The following DOP1B variants were observed in gnomAD, a reference collection of about 807,000 sequenced individuals.
DOP1B encodes protein DOP1B.
DOP1B carries 174 observed loss-of-function variants against 233.5 expected under a neutral mutation model. The ratio of observed to expected loss-of-function variants is 0.75; its 90% CI spans 0.66 to 0.85. The LOEUF (loss-of-function observed/expected upper bound fraction) is 0.85, where lower values mean the gene tolerates loss of function less well. DOP1B is among the 40% of genes least tolerant of loss of function. The probability of loss-of-function intolerance (pLI) is 0.00; values close to 1 mark genes in which losing one functional copy is unlikely to be tolerated. For missense variants in DOP1B, 2,652 were observed against 2,846.6 expected, an observed-to-expected ratio of 0.93 and a Z score of 1.56; for synonymous variants, 1,190 against 1,185.6, an observed-to-expected ratio of 1.00 and a Z score of -0.08.
chr21:36,279,590 C>T (rs1048875866), intron 30 of DOP1B, among the ~76,000 whole-genome samples: 1 of 152,170 alleles, frequency 6.6e-6, no homozygotes, highest in Non-Finnish European at 1.5e-5. Flanking sequence ...TCTTGTTGCT[C>T]TGCTGGGGTA....
In DOP1B at chr21:36,245,140, C is replaced by A. The variant is rs780147206; in HGVS notation, c.3160C>A (p.Leu1054Met). Residue 1054 changes from leucine (L) to methionine (M), a missense_variant, in exon 19 of 37, where the codon CTG (leucine) becomes ATG (methionine). Around this residue, in one of 3 missense-constraint regions of DOP1B, gnomAD observed 2,617 missense variants for 2,794.3 expected, o/e 0.94. Transcript: ENST00000691173. The surrounding 1 kb of genome is among the most constrained non-coding windows in gnomAD (Gnocchi z 5.5). The stretch of plus-strand genomic sequence containing the variant: ...TCAGGAGAGCGGCTCTGAAGAGCAC[C>A]TGCCTCTGAGCCAGTTCACCACAGT... The part of the protein sequence containing the change: ...EPQESGSEEH[L>M]PLSQFTTVDR... 1 of 1,613,920 alleles carries A rather than the reference C, an allele frequency of 6.2e-7. No homozygotes were observed. Among genetic ancestry groups the A allele is most frequent in the Non-Finnish European group, 8.5e-7 (1 of 1,180,038 alleles).
chr21:36,164,711 C>T lies in DOP1B; in HGVS notation c.-23C>T, dbSNP rs1429115283. 1 of 1,544,770 alleles carries T rather than the reference C, an allele frequency of 6.5e-7. No homozygotes were observed. Among genetic ancestry groups the T allele is most frequent in the Non-Finnish European group, 8.7e-7 (1 of 1,148,338 alleles). ...TTATTTTTTGATTTGCTTTTAGATA[C>T]TTTTCTGCTGTGAGAATGTAAGATG... On this transcript the variant is annotated 5_prime_UTR_variant, in exon 2 of 37. Coordinates refer to ENST00000691173, the MANE Select transcript of DOP1B (RefSeq NM_001320714.2).
chr21:36,202,113 C>T (rs1246642075), intron 4 of DOP1B, among the ~76,000 whole-genome samples: 1 of 151,950 alleles, frequency 6.6e-6, no homozygotes, highest in Non-Finnish European at 1.5e-5. Flanking sequence ...CTTGAGCCTG[C>T]GAGGTGAAGG....
At chr21:36,204,456 C>T (rs1479022359) in intron 4 of DOP1B, among the ~76,000 whole-genome samples, 3 of 152,044 alleles carry the variant, frequency 2.0e-5, no homozygotes, top group Non-Finnish European at 4.4e-5. Context: ...ACAAATGGAC[C>T]CTTTACTGAG....
At chr21:36,185,647 A>AAGGCTG (rs1194082347) in intron 2 of DOP1B, among the ~76,000 whole-genome samples, 2 of 152,326 alleles carry the variant, frequency 1.3e-5, no homozygotes, top group African/African-American at 4.8e-5. Context: ...AATGTCAGGG[A>AAGGCTG]AGGCTGAGGA....
At chr21:36,203,429 G>GTGGT (rs1195543777) in intron 4 of DOP1B, among the ~76,000 whole-genome samples, 1 of 152,204 alleles carries the variant, frequency 6.6e-6, no homozygotes, top group Non-Finnish European at 1.5e-5. Flanking sequence ...GTAGCCAGGT[G>GTGGT]TGGTGACAGG....
At chr21:36,233,440 C>T (rs2066790231) in intron 15 of DOP1B, among the ~76,000 whole-genome samples, 1 of 152,176 alleles carries the variant, frequency 6.6e-6, no homozygotes, top group Non-Finnish European at 1.5e-5. Context: ...TGGTGGCCTG[C>T]CCCTCCCAGG....
At position 36,292,130 on chromosome 21, in the gene DOP1B, T is replaced by C; in HGVS notation, c.6542T>C (p.Val2181Ala). ...QIYRWAFIPE[V>A]DTEGPAFLSD... ...TATAGGTGGGCATTTATTCCAGAAG[T>C]GGACACAGAGGGCCCTGCCTTCCTG... is the stretch of plus-strand genomic sequence containing the variant. Residue 2181 changes from valine (V) to alanine (A), a missense_variant, in exon 36 of 37, where the codon GTG becomes GCG. Around this residue, in one of 3 missense-constraint regions of DOP1B, gnomAD observed 2,617 missense variants for 2,794.3 expected, o/e 0.94. Transcript: ENST00000691173. The C allele has an allele frequency of 1.2e-6, 2 of 1,610,318 alleles. No individual in the cohort carries two copies. The highest frequency in any genetic ancestry group is 1.1e-5 in the South Asian group (1 of 89,978).
intron 32 of DOP1B, among the ~76,000 whole-genome samples, chr21:36,282,782 C>T (rs930621333): frequency 6.6e-6 from 1 of 151,990 alleles, no homozygotes. Context: ...TTGACATCAG[C>T]CTGCCCAATG....
chr21:36,264,957 A>G (rs78347233), intron 26 of DOP1B, among the ~76,000 whole-genome samples: 9,056 of 152,284 alleles, frequency 0.059, 586 homozygotes, highest in East Asian at 0.33. Context: ...TTTGCAAACC[A>G]TTATAGACAT....
At chr21:36,232,770 C>T in intron 14 of DOP1B, 34 bp from the exon 15 acceptor site, 1 of 1,610,522 alleles carries the variant, frequency 6.2e-7, no homozygotes, top group Non-Finnish European at 8.5e-7. Context: ...CGTGGTTCTG[C>T]TTGTTTCTGC....
chr21:36,234,627 G>A (rs1448548303), intron 15 of DOP1B, among the ~76,000 whole-genome samples: 1 of 151,242 alleles, frequency 6.6e-6, no homozygotes, highest in Admixed American at 6.6e-5. Context: ...CTTGGCCTCT[G>A]CCTCCTGAAT....
At chr21:36,169,944 C>T (rs1054687442) in intron 2 of DOP1B, 6 of 769,764 alleles carry the variant, frequency 7.8e-6, no homozygotes, top group Non-Finnish European at 1.5e-5. Context: ...GTGGTGTCTC[C>T]ACAGTAGTCA....
At chr21:36,187,665 G>A (rs1441040575) in intron 2 of DOP1B, among the ~76,000 whole-genome samples, 1 of 151,836 alleles carries the variant, frequency 6.6e-6, no homozygotes, top group East Asian at 1.9e-4. Context: ...GGAGTGCAGA[G>A]GTGCGATCGT....
At position 36,281,560 on chromosome 21, in the gene DOP1B, G is replaced by C; in HGVS notation, c.6109G>C (p.Val2037Leu). 1.9e-6 allele frequency: 3 copies of C among 1,609,612 alleles called. No homozygotes were observed. Among genetic ancestry groups the C allele is most frequent in the African/African-American group, 2.7e-5 (2 of 75,024 alleles). ...GCTGTTAAAGCGCCAGGCTTTTGCT[G>C]TCTTCAGTGGAGAACTTGATCAATA... Reference protein sequence around the residue: ...AMLLKRQAFAVFSGELDQYHL... With the variant: ...AMLLKRQAFALFSGELDQYHL... The change falls in exon 32 of 37, where the codon GTC becomes CTC. Residue 2037 changes from valine to leucine, a missense_variant. Physicochemically the swap from Val to Leu is conservative, Grantham distance 32. Coordinates refer to ENST00000691173, the MANE Select transcript of DOP1B (RefSeq NM_001320714.2).
rs150884749 is a variant in DOP1B at position 36,245,682 on chromosome 21, C to T, written c.3702C>T (p.Pro1234=). Residue 1234 remains proline (P), a synonymous_variant, in exon 19 of 37, where the codon CCC becomes CCT. Transcript: ENST00000691173. This position sits in a 1 kb window ranked among gnomAD's most constrained non-coding sequence, Gnocchi z 5.5. ...AGCACATCCTGCTCTACCTGCAGCCCTACGACTCTCGGCGGGTCCTCTATG... is the reference window on the plus strand; with the variant it reads ...AGCACATCCTGCTCTACCTGCAGCCTTACGACTCTCGGCGGGTCCTCTATG... The part of the protein sequence containing the change: ...LFKHILLYLQ[P]YDSRRVLYAF... 3,161 of 1,613,784 alleles carry T rather than the reference C, an allele frequency of 2.0e-3. 5 individuals are homozygous for T. The highest frequency in any genetic ancestry group is 2.4e-3 in the Non-Finnish European group (2,885 of 1,180,008).
chr21:36,265,913 T>C (rs73381530), intron 26 of DOP1B, among the ~76,000 whole-genome samples: 16,034 of 152,012 alleles, frequency 0.11, 1,721 homozygotes, highest in African/African-American at 0.28. Context: ...AGTTCTGCAG[T>C]GGACACTAGA....
intron 35 of DOP1B, among the ~76,000 whole-genome samples, chr21:36,289,424 GGTGT>G (rs59907412): frequency 0.048 from 6,942 of 144,526 alleles, 190 homozygotes; most frequent in Non-Finnish European, 0.055. Context: ...GTGTTTCTAT[GGTGT>G]GTGTGTGTGT....
chr21:36,267,001 C>G (rs1301720658), intron 26 of DOP1B, among the ~76,000 whole-genome samples: 1 of 152,216 alleles, frequency 6.6e-6, no homozygotes, highest in Non-Finnish European at 1.5e-5. Context: ...CTCGAGCGCA[C>G]CCTTCTCTCA....
Sources: gnomAD v4.1 joint callset for allele counts (sites outside exome capture counted in the v4.1 genomes callset) on GRCh38, gnomAD v4.1.1 for gene constraint, gnomAD v4.1.1 regional missense constraint, Gnocchi (gnomAD v3.1) non-coding constraint, MANE v1.5 for transcripts, NCBI Gene and HGNC (gene_info 2026-07-23, HGNC 2026-07-21) for gene names.